CCDC141: variants seen among roughly 807,000 people sequenced by gnomAD.
CCDC141 encodes the protein coiled-coil domain containing 141, also known as coiled-coil domain-containing protein 141.
Under a neutral mutation model 181.0 loss-of-function variants are expected in CCDC141, and 168 were observed. The ratio of observed to expected loss-of-function variants is 0.93; its 90% CI spans 0.82 to 1.05. The LOEUF (loss-of-function observed/expected upper bound fraction) is 1.05. Among genes scored for constraint, CCDC141 ranks in the 50% least tolerant of loss-of-function variants. The pLI, the probability that CCDC141 is intolerant of heterozygous loss-of-function variation, is 0.00. For synonymous variants in CCDC141, 666 were observed against 642.3 expected, an observed-to-expected ratio of 1.04 and a Z score of -0.56; for missense variants, 1,902 against 1,788.5, an observed-to-expected ratio of 1.06 and a Z score of -1.14.
chr2:179,028,504 T>C lies in CCDC141; in HGVS notation c.225+18780A>G, dbSNP rs183310198. On this transcript the variant is annotated intron_variant, in intron 2 of 23. Transcript: ENST00000443758. ...CAGCACCACTGCTCCCCTGAAACTA[T>C]TTTAGCAAATTATGTCAGTGACCTC... 3.4e-3 allele frequency among the ~76,000 whole-genome samples: 517 copies of C among 152,314 alleles called. 1 individual carries two copies. The highest frequency in any genetic ancestry group is 5.5e-3 in the Non-Finnish European group (376 of 68,018).
intron 6 of CCDC141, among the ~76,000 whole-genome samples, chr2:178,941,958 CAAAAAAAAAAAAAAAAAAAAAAAAAAAAA>C (rs66903231): frequency 1.7e-4 from 12 of 71,488 alleles, no homozygotes; most frequent in African/African-American, 6.9e-4. Context: ...GATCCCATCT[CAAAAAAAAAAAAAAAAAAAAAAAAAAAAA>C]AAAAAAAAAA....
chr2:179,037,404 A>G (rs1575377483), intron 2 of CCDC141, among the ~76,000 whole-genome samples: 1 of 152,226 alleles, frequency 6.6e-6, no homozygotes, highest in African/African-American at 2.4e-5. Context: ...AGGTAATGTG[A>G]AACAGGTTAG....
At chr2:178,866,680 T>C (rs1575147086) in intron 16 of CCDC141, among the ~76,000 whole-genome samples, 1 of 151,640 alleles carries the variant, frequency 6.6e-6, no homozygotes, top group South Asian at 2.1e-4. Flanking sequence ...GGAAAAGGAT[T>C]TTTTTGTTTT....
intron 2 of CCDC141, among the ~76,000 whole-genome samples, chr2:178,989,023 A>C (rs1185956388): frequency 1.3e-5 from 2 of 152,220 alleles, no homozygotes; most frequent in African/African-American, 4.8e-5. Flanking sequence ...AGTGATCTCA[A>C]TGTAAAAGCT....
intron 6 of CCDC141, among the ~76,000 whole-genome samples, chr2:178,944,016 T>C (rs1689628196): frequency 6.6e-6 from 1 of 152,220 alleles, no homozygotes; most frequent in African/African-American, 2.4e-5. Context: ...ATAAAAGTGA[T>C]GACTCATAGT....
At chr2:179,010,691 C>T (rs1339980989) in intron 2 of CCDC141, among the ~76,000 whole-genome samples, 3 of 152,066 alleles carry the variant, frequency 2.0e-5, no homozygotes, top group African/African-American at 4.8e-5. Flanking sequence ...CAAAACAGAA[C>T]CTCTTTAAAG....
At chr2:179,024,508 T>C (rs1276892377) in intron 2 of CCDC141, among the ~76,000 whole-genome samples, 1 of 152,140 alleles carries the variant, frequency 6.6e-6, no homozygotes, top group Non-Finnish European at 1.5e-5. Flanking sequence ...AAGATGAAAA[T>C]GAAACACTCA....
At chr2:179,037,732 T>G (rs2154387567) in intron 2 of CCDC141, among the ~76,000 whole-genome samples, 1 of 152,234 alleles carries the variant, frequency 6.6e-6, no homozygotes, top group Non-Finnish European at 1.5e-5. Context: ...CACTGGCCAA[T>G]AAGCACATGA....
intron 5 of CCDC141, 41 bp from the exon 6 acceptor site, chr2:178,944,692 T>C (rs992506142): frequency 2.2e-6 from 2 of 925,352 alleles, no homozygotes; most frequent in African/African-American, 3.4e-5. Flanking sequence ...ATTCAAATGA[T>C]CAGAATAAGT....
Position 178,972,471 on chromosome 2 carries a change from A to C in CCDC141, c.526+2586T>G, listed in dbSNP as rs141042813. Among the ~76,000 whole-genome samples, 270 of 152,306 alleles carry C rather than the reference A, an allele frequency of 1.8e-3. 5 individuals are homozygous for C. In the South Asian group the frequency reaches 0.023, roughly 13 times the overall value. On this transcript the variant is annotated intron_variant, in intron 4 of 23. Coordinates refer to ENST00000443758, the MANE Select transcript of CCDC141 (RefSeq NM_173648.4). ...CACAGTGTGTGAGGTGATGTACTGA[A>C]GTACCCACAGGAAGTATAGAGGGAG...
rs915051677 is a variant in CCDC141, at chr2:178,869,385, C to T, written c.2206-80G>A. On this transcript the variant is annotated intron_variant, in intron 14 of 23. Coordinates refer to ENST00000443758, the MANE Select transcript of CCDC141 (RefSeq NM_173648.4). ...ACAACTGACAATATAAAGGTCTAAA[C>T]AATGAATCACTCTTTCATTTGTTAA... 1.8e-5 allele frequency: 17 copies of T among 939,766 alleles called. No individual in the cohort carries two copies. In the Admixed American group the frequency reaches 3.5e-4, roughly 19 times the overall value. The allele number at this position is 939,766 out of a possible 1,614,324, so 58.2% of individuals were successfully genotyped here. A position where few individuals can be genotyped will look rare whatever the true frequency, so the allele number is the denominator to read the frequency against.
At position 178,856,319 on chromosome 2, in the gene CCDC141, G is replaced by A. The variant is rs17362588; in HGVS notation, c.2803C>T (p.Arg935Trp). The A allele has an allele frequency of 0.076, 122,588 of 1,608,436 alleles. 5,410 individuals carry two copies. Among genetic ancestry groups the A allele is most frequent in the Non-Finnish European group, 0.089 (104,567 of 1,176,996 alleles). ...FNYTKKNEKS[R>W]NLKALKYQIQ... ...TGATATTTAAGCGCCTTCAGATTCC[G>A]AGATTTTTCATTTTTCTTAGTGTAA... is the stretch of plus-strand genomic sequence containing the variant. Residue 935 changes from arginine to tryptophan, a missense_variant, in exon 18 of 24, where the codon CGG becomes TGG. By Grantham distance (101) the Arg-to-Trp change is moderately radical. Coordinates refer to ENST00000443758, the MANE Select transcript of CCDC141 (RefSeq NM_173648.4).
At chr2:178,958,684 C>G (rs1203500705) in intron 5 of CCDC141, among the ~76,000 whole-genome samples, 1 of 140,808 alleles carries the variant, frequency 7.1e-6, no homozygotes, top group African/African-American at 2.6e-5. Flanking sequence ...CACTTTGAAT[C>G]TTCTAAATTT....
At chr2:178,923,388 G>A (rs1410260835) in intron 6 of CCDC141, among the ~76,000 whole-genome samples, 3 of 152,164 alleles carry the variant, frequency 2.0e-5, no homozygotes, top group Non-Finnish European at 4.4e-5. Flanking sequence ...ACAGGCGTGA[G>A]CCACCGCGCC....
chr2:178,922,673 C>G (rs1317376448), intron 6 of CCDC141, among the ~76,000 whole-genome samples: 16 of 152,148 alleles, frequency 1.1e-4, no homozygotes, highest in Non-Finnish European at 1.5e-5. Context: ...AAATAATAAA[C>G]AAGAAGAGAA....
Position 178,963,531 on chromosome 2 carries a change from G to A in CCDC141, c.527-2048C>T, listed in dbSNP as rs143631817. On this transcript the variant is annotated intron_variant, in intron 4 of 23. Transcript: ENST00000443758. ...ACTGGTGCTGAAACTCAAGACTTGT[G>A]ATTAGTATAGCTCAGTGTTCTTTCC... 1.8e-3 allele frequency among the ~76,000 whole-genome samples: 268 copies of A among 152,170 alleles called. 5 individuals carry two copies. In the South Asian group the frequency reaches 0.023, roughly 13 times the overall value.
At chr2:178,980,681 G>A (rs902246572) in intron 2 of CCDC141, among the ~76,000 whole-genome samples, 2 of 152,138 alleles carry the variant, frequency 1.3e-5, no homozygotes, top group Non-Finnish European at 2.9e-5. Context: ...TTGTCTACAA[G>A]AAACCTACTC....
chr2:179,016,193 G>A (rs939345951), intron 2 of CCDC141, among the ~76,000 whole-genome samples: 1 of 140,526 alleles, frequency 7.1e-6, no homozygotes, highest in African/African-American at 2.6e-5. Context: ...TGAGGACTTG[G>A]GGGGAAGAGT....
intron 8 of CCDC141, 41 bp from the exon 9 acceptor site, chr2:178,888,709 T>A (rs929335806): frequency 6.5e-7 from 1 of 1,546,836 alleles, no homozygotes; most frequent in Non-Finnish European, 8.7e-7. Flanking sequence ...TCCACCCCAA[T>A]ATAGAACACA....
Sources: gnomAD v4.1 joint callset for allele counts (sites outside exome capture counted in the v4.1 genomes callset) on GRCh38, gnomAD v4.1.1 for gene constraint, MANE v1.5 for transcripts, NCBI Gene and HGNC (gene_info 2026-07-23, HGNC 2026-07-21) for gene names.